The following NEMP2 variants were observed in gnomAD, a reference collection of about 807,000 sequenced individuals.
The protein encoded by NEMP2 is nuclear envelope integral membrane protein 2.
A neutral mutation model predicts 54.2 loss-of-function variants in NEMP2; 53 were observed. The ratio of observed to expected loss-of-function variants is 0.98; its 90% CI spans 0.78 to 1.23. NEMP2 has a LOEUF of 1.23. NEMP2 is among the 50% of genes most tolerant of loss of function. NEMP2 has a pLI of 0.00. For synonymous variants in NEMP2, 197 were observed against 190.3 expected, an observed-to-expected ratio of 1.04 and a Z score of -0.29; for missense variants, 455 against 511.3, an observed-to-expected ratio of 0.89 and a Z score of 1.06.
chr2:190,445,682 C>T, the NEMP2 span, among the ~76,000 whole-genome samples: 1 of 152,088 alleles, frequency 6.6e-6, no homozygotes, highest in Non-Finnish European at 1.5e-5. Flanking sequence ...AACATAAGGT[C>T]TTTTTCCTCT....
the NEMP2 span, among the ~76,000 whole-genome samples, chr2:190,486,153 A>G: frequency 2.0e-5 from 3 of 152,270 alleles, no homozygotes; most frequent in African/African-American, 7.2e-5. Context: ...CCTACGGCTA[A>G]TTATTTCATA....
chr2:190,501,986 G>C (rs945606655), downstream of NEMP2: 2 of 152,612 alleles, frequency 1.3e-5, no homozygotes, highest in Non-Finnish European at 2.9e-5. Flanking sequence ...ACTGTATCTT[G>C]TGTTTACAGT....
Position 190,529,627 on chromosome 2 carries a change from T to A in NEMP2, c.98-4249A>T, listed in dbSNP as rs1044073422. Among the ~76,000 whole-genome samples, 1 of 152,238 alleles carries A rather than the reference T, an allele frequency of 6.6e-6. No homozygotes were observed. Among genetic ancestry groups the A allele is most frequent in the African/African-American group, 2.4e-5 (1 of 41,462 alleles). On this transcript the variant is annotated intron_variant, in intron 1 of 8. Coordinates refer to ENST00000409150, the MANE Select transcript of NEMP2 (RefSeq NM_001142645.2). The surrounding 1 kb of genome is among the most constrained non-coding windows in gnomAD (Gnocchi z 4.7). The stretch of plus-strand genomic sequence containing the variant: ...TCTCCATGAAGTCAGGGACATTGCA[T>A]GTTTATCACTGTAACCCCCAGAACT...
the NEMP2 span, among the ~76,000 whole-genome samples, chr2:190,588,364 T>C: frequency 6.6e-6 from 1 of 152,198 alleles, no homozygotes; most frequent in Non-Finnish European, 1.5e-5. This position sits in a 1 kb window ranked among gnomAD's most constrained non-coding sequence, Gnocchi z 5.0. Context: ...TTTCTCTTTC[T>C]TCCCCTGACC....
the NEMP2 span, among the ~76,000 whole-genome samples, chr2:190,478,417 G>A: frequency 6.6e-6 from 1 of 152,072 alleles, no homozygotes; most frequent in African/African-American, 2.4e-5. Flanking sequence ...TTTGACCCAT[G>A]CCCACCCCAT....
chr2:190,499,127 G>A, the NEMP2 span, among the ~76,000 whole-genome samples: 148 of 152,178 alleles, frequency 9.7e-4, no homozygotes, highest in African/African-American at 3.3e-3. The surrounding 1 kb of genome is among the most constrained non-coding windows in gnomAD (Gnocchi z 6.0). Flanking sequence ...CGGCCTAGGC[G>A]ACAGAGTGAG....
At chr2:190,570,366 C>A in the NEMP2 span, among the ~76,000 whole-genome samples, 1 of 152,116 alleles carries the variant, frequency 6.6e-6, no homozygotes. The surrounding 1 kb of genome is among the most constrained non-coding windows in gnomAD (Gnocchi z 5.4). Context: ...TTAATAGAGA[C>A]CCCAATATAA....
the NEMP2 span, among the ~76,000 whole-genome samples, chr2:190,542,579 CT>C: frequency 1.5e-4 from 23 of 149,812 alleles, no homozygotes; most frequent in South Asian, 4.2e-4. This position sits in a 1 kb window ranked among gnomAD's most constrained non-coding sequence, Gnocchi z 4.6. Flanking sequence ...TGTTTTTTTA[CT>C]TTTTTTTTTC....
chr2:190,438,902 TG>T, the NEMP2 span, among the ~76,000 whole-genome samples: 1 of 152,182 alleles, frequency 6.6e-6, no homozygotes, highest in Admixed American at 6.5e-5. This position sits in a 1 kb window ranked among gnomAD's most constrained non-coding sequence, Gnocchi z 5.2. Context: ...TTTTTCTTGT[TG>T]GTTTGGTTTT....
At chr2:190,594,083 G>C in the NEMP2 span, among the ~76,000 whole-genome samples, 1 of 152,118 alleles carries the variant, frequency 6.6e-6, no homozygotes, top group Non-Finnish European at 1.5e-5. The surrounding 1 kb of genome is among the most constrained non-coding windows in gnomAD (Gnocchi z 5.6). Context: ...TTCCTTCTCT[G>C]CTCTCTGCCA....
At chr2:190,502,525 G>T (rs1347655202), downstream of NEMP2, among the ~76,000 whole-genome samples, 2 of 152,186 alleles carry the variant, frequency 1.3e-5, no homozygotes, top group Non-Finnish European at 2.9e-5. This position sits in a 1 kb window ranked among gnomAD's most constrained non-coding sequence, Gnocchi z 4.4. Context: ...TTTAGGAATA[G>T]ATTATAATAC....
At chr2:190,487,930 C>G in the NEMP2 span, among the ~76,000 whole-genome samples, 13 of 152,046 alleles carry the variant, frequency 8.6e-5, no homozygotes, top group African/African-American at 2.9e-4. This position sits in a 1 kb window ranked among gnomAD's most constrained non-coding sequence, Gnocchi z 5.5. Flanking sequence ...GAGACAGAAT[C>G]TTGCTCTGTT....
At position 190,530,344 on chromosome 2, in the gene NEMP2, T is replaced by C. The variant is rs1295755837; in HGVS notation, c.97+4215A>G. ...AAAGTGTCAGTGCTTCATGGTGTCC[T>C]CTGGCTGCCCTTTTTTCTTATCACC... On this transcript the variant is annotated intron_variant, in intron 1 of 8. Coordinates refer to ENST00000409150, the MANE Select transcript of NEMP2 (RefSeq NM_001142645.2). The surrounding 1 kb of genome is among the most constrained non-coding windows in gnomAD (Gnocchi z 4.6). 4.6e-5 allele frequency among the ~76,000 whole-genome samples: 7 copies of C among 152,242 alleles called. No individual in the cohort carries two copies. The highest frequency in any genetic ancestry group is 3.3e-4 in the Admixed American group (5 of 15,290).
chr2:190,617,656 G>A, the NEMP2 span, among the ~76,000 whole-genome samples: 10 of 152,202 alleles, frequency 6.6e-5, no homozygotes, highest in East Asian at 7.7e-4. The surrounding 1 kb of genome is among the most constrained non-coding windows in gnomAD (Gnocchi z 5.0). Context: ...ATCCTCAGAC[G>A]TTTCTCTGGG....
At chr2:190,631,834 T>C in the NEMP2 span, among the ~76,000 whole-genome samples, 3 of 152,260 alleles carry the variant, frequency 2.0e-5, no homozygotes, top group South Asian at 6.2e-4. Flanking sequence ...GGCAGGCAGG[T>C]TGCTTGAGTC....
At chr2:190,535,003 C>G (rs559862823), upstream of NEMP2, 3 of 204,284 alleles carry the variant, frequency 1.5e-5, no homozygotes, top group Admixed American at 1.2e-4. Context: ...GGCCGTGTCC[C>G]GCTGCCCTCG....
chr2:190,639,814 A>G, the NEMP2 span, among the ~76,000 whole-genome samples: 1 of 152,050 alleles, frequency 6.6e-6, no homozygotes, highest in African/African-American at 2.4e-5. Context: ...ATGCCCAGCT[A>G]ATTTTTTGTA....
Position 190,518,964 on chromosome 2 carries a change from C to T in NEMP2, c.433G>A (p.Val145Met), listed in dbSNP as rs771722181. 43 of 1,550,330 alleles carry T rather than the reference C, an allele frequency of 2.8e-5. No individual in the cohort carries two copies. The Middle Eastern group carries it at 1.2e-3, about 42-fold the overall frequency. ...VKKIFNYMIH[V>M]NRNIMDFKLF... ...AAATCGGACTTACTGTTTCGATTCA[C>T]ATGTATCATATAGTTAAATATCTTC... The change falls in exon 3 of 9, where the codon GTG (valine) becomes ATG (methionine). Residue 145 changes from valine to methionine, a missense_variant. Around this residue, in one of 3 missense-constraint regions of NEMP2, gnomAD observed 294 missense variants for 333.6 expected, o/e 0.88. Transcript: ENST00000409150.
the NEMP2 span, among the ~76,000 whole-genome samples, chr2:190,467,429 A>G: frequency 2.1e-4 from 32 of 152,332 alleles, no homozygotes; most frequent in African/African-American, 7.7e-4. This position sits in a 1 kb window ranked among gnomAD's most constrained non-coding sequence, Gnocchi z 5.5. Context: ...CCTGGCCAAC[A>G]TGGCAAAACC....
Sources: gnomAD v4.1 joint callset for allele counts (sites outside exome capture counted in the v4.1 genomes callset) on GRCh38, gnomAD v4.1.1 for gene constraint, gnomAD v4.1.1 regional missense constraint, Gnocchi (gnomAD v3.1) non-coding constraint, MANE v1.5 for transcripts, NCBI Gene and HGNC (gene_info 2026-07-23, HGNC 2026-07-21) for gene names.